PDE8A: variants seen among roughly 807,000 people sequenced by gnomAD.
PDE8A encodes high affinity cAMP-specific and IBMX-insensitive 3',5'-cyclic phosphodiesterase 8A.
A neutral mutation model predicts 105.0 loss-of-function variants in PDE8A; 59 were observed. The ratio of observed to expected loss-of-function variants is 0.56; its 90% CI spans 0.46 to 0.70. PDE8A has a LOEUF of 0.70. Among genes scored for constraint, PDE8A ranks in the 30% least tolerant of loss-of-function variants. The pLI is 0.00. For missense variants in PDE8A, 1,014 were observed against 1,045.9 expected, an observed-to-expected ratio of 0.97 and a Z score of 0.42; for synonymous variants, 355 against 371.9, an observed-to-expected ratio of 0.95 and a Z score of 0.52.
chr15:85,113,469 C>T, intron 13 of PDE8A, 22 bp downstream of exon 13: 3 of 1,586,488 alleles, frequency 1.9e-6, no homozygotes, highest in Non-Finnish European at 2.6e-6. Flanking sequence ...TGTGGTCTGT[C>T]TCCATTGAGC....
At chr15:85,121,125 A>G (rs1487296946) in intron 18 of PDE8A, 111 bp downstream of exon 18, 2 of 699,358 alleles carry the variant, frequency 2.9e-6, no homozygotes, top group South Asian at 1.9e-5. Context: ...TGCACAAAGT[A>G]TACAGTGGGC....
At chr15:85,078,145 C>CAAAAA (rs34715649) in intron 5 of PDE8A, among the ~76,000 whole-genome samples, 2 of 120,040 alleles carry the variant, frequency 1.7e-5, no homozygotes, top group African/African-American at 5.7e-5. Context: ...AGTGAAACTG[C>CAAAAA]AAAAAAAAAA....
intron 1 of PDE8A, among the ~76,000 whole-genome samples, chr15:85,021,107 A>G (rs1035869743): frequency 2.6e-5 from 4 of 152,146 alleles, no homozygotes; most frequent in African/African-American, 9.7e-5. Flanking sequence ...AGTTCCCTTA[A>G]AAAAGAAGAT....
chr15:85,029,590 A>AGCAGC, intron 1 of PDE8A, among the ~76,000 whole-genome samples: 1 of 152,074 alleles, frequency 6.6e-6, no homozygotes, highest in African/African-American at 2.4e-5. Flanking sequence ...TCTTTTCTAC[A>AGCAGC]TGAATTTGTA....
chr15:84,989,592 T>C (rs1019533226), intron 1 of PDE8A, among the ~76,000 whole-genome samples: 1 of 152,184 alleles, frequency 6.6e-6, no homozygotes, highest in African/African-American at 2.4e-5. Context: ...CATCAGGCTT[T>C]GGCTATGTGA....
At chr15:85,103,021 GACC>G (rs2081890860) in intron 11 of PDE8A, among the ~76,000 whole-genome samples, 1 of 152,060 alleles carries the variant, frequency 6.6e-6, no homozygotes, top group Non-Finnish European at 1.5e-5. Flanking sequence ...AGGAGTTTGA[GACC>G]AGCCTAGGCA....
Position 85,126,305 on chromosome 15 carries a change from C to T in PDE8A, c.2184C>T (p.Ser728=). ...KRMLIKCADV[S]NPCRPLQYCI... is the part of the protein sequence containing the mutation. ...TGCTGATTAAATGTGCTGATGTGTC[C>T]AATCCCTGCCGACCCCTGCAGTACT... Residue 728 remains serine (S), a synonymous_variant, in exon 20 of 22, where the codon TCC becomes TCT. Transcript: ENST00000394553. 1.9e-6 allele frequency: 3 copies of T among 1,613,094 alleles called. No individual in the cohort carries two copies. Among genetic ancestry groups the T allele is most frequent in the African/African-American group, 1.3e-5 (1 of 74,830 alleles).
intron 6 of PDE8A, among the ~76,000 whole-genome samples, chr15:85,086,041 TA>T (rs1275929891): frequency 6.6e-6 from 1 of 151,742 alleles, no homozygotes; most frequent in Non-Finnish European, 1.5e-5. Flanking sequence ...AAAAAGAATT[TA>T]GCATATGATT....
At chr15:85,137,468 G>A (rs2082430286) in intron 21 of PDE8A, among the ~76,000 whole-genome samples, 2 of 147,750 alleles carry the variant, frequency 1.4e-5, no homozygotes, top group Non-Finnish European at 3.0e-5. Flanking sequence ...GGGGCGGGGG[G>A]GCAGGGGCAC....
At chr15:85,013,158 T>C (rs2141336691) in intron 1 of PDE8A, among the ~76,000 whole-genome samples, 1 of 152,330 alleles carries the variant, frequency 6.6e-6, no homozygotes, top group Non-Finnish European at 1.5e-5. Flanking sequence ...AGATGTTTTG[T>C]AAGGGATGGA....
At chr15:85,070,891 C>G (rs2081301058) in intron 3 of PDE8A, among the ~76,000 whole-genome samples, 1 of 152,174 alleles carries the variant, frequency 6.6e-6, no homozygotes, top group Non-Finnish European at 1.5e-5. Context: ...GCAAATCAAT[C>G]AGTTGTGAGG....
At chr15:85,079,919 A>T (rs555838428) in intron 5 of PDE8A, among the ~76,000 whole-genome samples, 1 of 152,226 alleles carries the variant, frequency 6.6e-6, no homozygotes, top group Non-Finnish European at 1.5e-5. Flanking sequence ...ATCTCAAAAA[A>T]AAAAAGAAAG....
In PDE8A at chr15:85,033,796, C is replaced by A. The variant is rs192316702; in HGVS notation, c.187-30574C>A. 2.0e-3 allele frequency among the ~76,000 whole-genome samples: 299 copies of A among 152,224 alleles called. 3 individuals carry two copies. The highest frequency in any genetic ancestry group is 6.8e-3 in the African/African-American group (282 of 41,550). ...AGGAGAATCGCTTGAACCTGGGAGG[C>A]AGAGGTTGCAGTGAGCCAAGATTGT... On this transcript the variant is annotated intron_variant, in intron 1 of 21. Coordinates refer to ENST00000394553, the MANE Select transcript of PDE8A (RefSeq NM_002605.3).
intron 3 of PDE8A, among the ~76,000 whole-genome samples, chr15:85,071,721 A>G (rs2081313776): frequency 1.3e-5 from 2 of 152,176 alleles, no homozygotes; most frequent in African/African-American, 2.4e-5. Flanking sequence ...AAGAGGTGCT[A>G]AGGAAACTCT....
At chr15:85,074,957 T>A (rs2081360866) in intron 3 of PDE8A, among the ~76,000 whole-genome samples, 1 of 152,056 alleles carries the variant, frequency 6.6e-6, no homozygotes, top group Non-Finnish European at 1.5e-5. Flanking sequence ...CCTTTTAGAG[T>A]CCCTCTCCAA....
intron 9 of PDE8A, among the ~76,000 whole-genome samples, chr15:85,099,130 A>C (rs1308604908): frequency 1.3e-5 from 2 of 152,224 alleles, no homozygotes; most frequent in Non-Finnish European, 2.9e-5. Flanking sequence ...TGTTTAATTG[A>C]GCCCCTCCCT....
At chr15:84,989,718 ACACTATCG>A (rs2079856436) in intron 1 of PDE8A, among the ~76,000 whole-genome samples, 1 of 152,248 alleles carries the variant, frequency 6.6e-6, no homozygotes, top group South Asian at 2.1e-4. Context: ...AAACTCCAAG[ACACTATCG>A]CATGTAAGGA....
Position 85,126,326 on chromosome 15 carries a change from G to T in PDE8A, c.2205G>T (p.Gln735His), listed in dbSNP as rs760886154. ...ADVSNPCRPL[Q>H]YCIEWAARIS... ...TGTCCAATCCCTGCCGACCCCTGCA[G>T]TACTGCATCGAGTGGGCTGCACGCA... is the stretch of plus-strand genomic sequence containing the variant. Residue 735 changes from glutamine (Q) to histidine (H), a missense_variant, in exon 20 of 22, where the codon CAG becomes CAT. Physicochemically the swap from Gln to His is conservative, Grantham distance 24. Coordinates refer to ENST00000394553, the MANE Select transcript of PDE8A (RefSeq NM_002605.3). The T allele has an allele frequency of 1.9e-6, 3 of 1,610,008 alleles. No individual in the cohort carries two copies. Among genetic ancestry groups the T allele is most frequent in the Non-Finnish European group, 1.7e-6 (2 of 1,178,076 alleles).
chr15:84,994,212 T>C (rs1458508097), intron 1 of PDE8A, among the ~76,000 whole-genome samples: 1 of 152,264 alleles, frequency 6.6e-6, no homozygotes, highest in Non-Finnish European at 1.5e-5. Flanking sequence ...TATGGTTTGC[T>C]CTTTTTTCTT....
Sources: gnomAD v4.1 joint callset for allele counts (sites outside exome capture counted in the v4.1 genomes callset) on GRCh38, gnomAD v4.1.1 for gene constraint, MANE v1.5 for transcripts, NCBI Gene and HGNC (gene_info 2026-07-23, HGNC 2026-07-21) for gene names.